The following HCLS1 variants were observed in gnomAD, a reference collection of about 807,000 sequenced individuals.
The protein encoded by HCLS1 is hematopoietic cell-specific Lyn substrate 1.
A neutral mutation model predicts 68.6 loss-of-function variants in HCLS1; 44 were observed. The observed-to-expected ratio is 0.64, with a 90% CI of 0.50 to 0.82. The LOEUF (loss-of-function observed/expected upper bound fraction) is 0.82. Among genes scored for constraint, HCLS1 ranks in the 40% least tolerant of loss-of-function variants. The pLI is 0.00. For missense variants in HCLS1, 602 were observed against 612.1 expected, an observed-to-expected ratio of 0.98 and a Z score of 0.17; for synonymous variants, 217 against 225.8, an observed-to-expected ratio of 0.96 and a Z score of 0.35.
At position 121,631,735 on chromosome 3, in the gene HCLS1, T is replaced by G; in HGVS notation, c.*111A>C. On this transcript the variant is annotated 3_prime_UTR_variant, in exon 14 of 14. Coordinates refer to ENST00000314583, the MANE Select transcript of HCLS1 (RefSeq NM_005335.6). ...CCCTTAATGAAGCAGGAGAGGGAAG[T>G]CTGTCCAGAACCTCATCTGGTTAGA... The G allele has an allele frequency of 4.2e-6, 5 of 1,197,370 alleles. No homozygotes were observed. The highest frequency in any genetic ancestry group is 5.9e-6 in the Non-Finnish European group (5 of 843,452). 74.2% of individuals were successfully genotyped at this position (1,197,370 alleles called of 1,614,324 possible).
rs1207142248 is a variant in HCLS1, at chr3:121,632,316, T to C, written c.1240+16A>G. On this transcript the variant is annotated intron_variant, in intron 12 of 13. Transcript: ENST00000314583. ...GGACATGAGCAAATTCTCCTGCTTC[T>C]CCTCCCATCACTCACCAGCCAGAGC... The C allele has an allele frequency of 1.9e-6, 3 of 1,612,648 alleles. No homozygotes were observed. The highest frequency in any genetic ancestry group is 2.2e-5 in the South Asian group (2 of 91,046).
At chr3:121,635,166 CTG>C (rs1033690741) in intron 9 of HCLS1, among the ~76,000 whole-genome samples, 3 of 152,026 alleles carry the variant, frequency 2.0e-5, no homozygotes, top group African/African-American at 7.2e-5. Context: ...CGACGTCACT[CTG>C]TCTATCCACT....
chr3:121,638,005 G>A (rs2049165927), intron 6 of HCLS1, among the ~76,000 whole-genome samples: 1 of 152,044 alleles, frequency 6.6e-6, no homozygotes. Context: ...CAGAGACAAA[G>A]AGATGAATCA....
chr3:121,634,565 C>A (rs1341052183), intron 9 of HCLS1, 147 bp from the exon 10 acceptor site: 6 of 742,342 alleles, frequency 8.1e-6, no homozygotes, highest in Non-Finnish European at 1.3e-5. Context: ...GATAGAGGAA[C>A]AAGGGATAAT....
intron 3 of HCLS1, among the ~76,000 whole-genome samples, chr3:121,652,458 A>G (rs957469580): frequency 6.6e-6 from 1 of 152,178 alleles, no homozygotes; most frequent in Non-Finnish European, 1.5e-5. Flanking sequence ...GTTCAAGACC[A>G]GTCTGGCCAA....
intron 1 of HCLS1, among the ~76,000 whole-genome samples, chr3:121,659,055 T>C (rs1202282773): frequency 6.6e-6 from 1 of 152,124 alleles, no homozygotes; most frequent in African/African-American, 2.4e-5. Flanking sequence ...AGTCAAAAAA[T>C]AGCATGTTTT....
intron 6 of HCLS1, among the ~76,000 whole-genome samples, chr3:121,641,943 A>G (rs903171550): frequency 1.3e-5 from 2 of 150,598 alleles, no homozygotes; most frequent in African/African-American, 2.4e-5. Context: ...AGCCCGGCGT[A>G]GTGGCGGGTG....
chr3:121,638,287 T>A (rs1172622053), intron 6 of HCLS1, among the ~76,000 whole-genome samples: 1 of 152,102 alleles, frequency 6.6e-6, no homozygotes, highest in African/African-American at 2.4e-5. Flanking sequence ...AGCCTTAAAC[T>A]CCTGGGCTCA....
intron 4 of HCLS1, among the ~76,000 whole-genome samples, chr3:121,645,880 ATATT>A (rs1450152252): frequency 6.9e-6 from 1 of 144,748 alleles, no homozygotes; most frequent in East Asian, 2.0e-4. Context: ...AATAAACTAT[ATATT>A]TATAATATAA....
rs367896416 is a variant in HCLS1 at position 121,632,431 on chromosome 3, C to T, written c.1141G>A (p.Val381Ile). Residue 381 changes from valine (V) to isoleucine (I), a missense_variant, in exon 12 of 14, where the codon GTT becomes ATT. Transcript: ENST00000314583. Reference sequence around the variant, plus strand: ...TGCTCATGCCTGTCCATCTCCTCAACGTCCTCATAGTCATTCTCAGGCTCG... The same window carrying T: ...TGCTCATGCCTGTCCATCTCCTCAATGTCCTCATAGTCATTCTCAGGCTCG... ...EPEPENDYEDVEEMDRHEQED... is the reference protein window; with the variant it reads ...EPEPENDYEDIEEMDRHEQED... 23 of 1,613,864 alleles carry T rather than the reference C, an allele frequency of 1.4e-5. No individual in the cohort carries two copies. The highest frequency in any genetic ancestry group is 5.5e-5 in the South Asian group (5 of 91,070).
chr3:121,643,888 G>GAAC (rs2049222472), intron 5 of HCLS1: 1 of 152,232 alleles, frequency 6.6e-6, no homozygotes. Context: ...CCTGATTCTA[G>GAAC]AACACTGCAT....
chr3:121,640,776 CAAGGG>C, intron 6 of HCLS1, among the ~76,000 whole-genome samples: 2 of 76,712 alleles, frequency 2.6e-5, no homozygotes, highest in African/African-American at 4.8e-5. Flanking sequence ...AGAGGGAAGG[CAAGGG>C]AAGGGGAGGG....
intron 6 of HCLS1, among the ~76,000 whole-genome samples, chr3:121,638,602 C>T (rs1260099620): frequency 6.6e-6 from 1 of 152,152 alleles, no homozygotes; most frequent in African/African-American, 2.4e-5. Flanking sequence ...TCCAAGCCTA[C>T]ATCTGAGTGT....
At chr3:121,636,679 G>A (rs532945349) in intron 7 of HCLS1, among the ~76,000 whole-genome samples, 190 bp from the exon 8 acceptor site, 1 of 152,314 alleles carries the variant, frequency 6.6e-6, no homozygotes, top group South Asian at 2.1e-4. Context: ...AGCGAATGGA[G>A]AAGACAAAGA....
chr3:121,658,207 G>A (rs1036853063), intron 2 of HCLS1, 57 bp downstream of exon 2: 11 of 1,289,804 alleles, frequency 8.5e-6, no homozygotes, highest in Non-Finnish European at 1.2e-5. Flanking sequence ...GAGTGGCCCA[G>A]ATGCCCTCCT....
intron 3 of HCLS1, among the ~76,000 whole-genome samples, chr3:121,648,864 T>C (rs1937669465): frequency 6.6e-6 from 1 of 152,194 alleles, no homozygotes; most frequent in African/African-American, 2.4e-5. Context: ...AGAGATCTTG[T>C]GTTGTCAGTT....
chr3:121,635,164 CTCTG>C (rs562474150), intron 9 of HCLS1, among the ~76,000 whole-genome samples: 7 of 152,116 alleles, frequency 4.6e-5, no homozygotes, highest in Middle Eastern at 3.4e-3. Context: ...CCCGACGTCA[CTCTG>C]TCTATCCACT....
intron 8 of HCLS1, 60 bp downstream of exon 8, chr3:121,636,371 TCTC>T: frequency 7.3e-7 from 1 of 1,364,750 alleles, no homozygotes; most frequent in Non-Finnish European, 1.0e-6. Context: ...TTCACGCTCT[TCTC>T]TGCACACTTT....
At chr3:121,633,335 C>T (rs2049118742) in intron 10 of HCLS1, among the ~76,000 whole-genome samples, 164 bp from the exon 11 acceptor site, 1 of 152,130 alleles carries the variant, frequency 6.6e-6, no homozygotes, top group African/African-American at 2.4e-5. Context: ...CCTGCCTCAG[C>T]CCCCTGAGTA....
Sources: gnomAD v4.1 joint callset for allele counts (sites outside exome capture counted in the v4.1 genomes callset) on GRCh38, gnomAD v4.1.1 for gene constraint, MANE v1.5 for transcripts, NCBI Gene and HGNC (gene_info 2026-07-23, HGNC 2026-07-21) for gene names.